SPTBN1: variants seen among roughly 807,000 people sequenced by gnomAD.
SPTBN1 encodes spectrin beta chain, non-erythrocytic 1.
In SPTBN1, 32 loss-of-function variants were observed where a neutral mutation model predicts 266.4. That is an observed-to-expected ratio of 0.12 (90% CI 0.09 to 0.16). The LOEUF (loss-of-function observed/expected upper bound fraction) is 0.16. Ranked by LOEUF, SPTBN1 falls within the 10% of genes least tolerant of loss-of-function variation. SPTBN1 has a pLI of 1.00. For synonymous variants in SPTBN1, 1,336 were observed against 1,162.2 expected (o/e 1.15, Z -3.04); for missense variants, 2,296 against 3,067.1 (o/e 0.75, Z 5.94).
At chr2:54,458,339 A>G (rs368206012) in intron 1 of SPTBN1, among the ~76,000 whole-genome samples, 4 of 152,008 alleles carry the variant, frequency 2.6e-5, no homozygotes, top group East Asian at 3.9e-4. Context: ...TTTAGCTTGT[A>G]TTTTGTTTTC....
chr2:54,511,039 T>C (rs1669833548), intron 1 of SPTBN1, among the ~76,000 whole-genome samples: 1 of 152,240 alleles, frequency 6.6e-6, no homozygotes, highest in African/African-American at 2.4e-5. Flanking sequence ...GGTGTTGGGC[T>C]GATTGGCTTG....
chr2:54,642,129 G>T (rs1187919392), intron 18 of SPTBN1, among the ~76,000 whole-genome samples: 1 of 152,216 alleles, frequency 6.6e-6, no homozygotes, highest in Non-Finnish European at 1.5e-5. Flanking sequence ...CGGGAATCAG[G>T]ACTCTGGCAT....
chr2:54,487,200 T>TTTTTCA, intron 1 of SPTBN1, among the ~76,000 whole-genome samples: 1 of 144,178 alleles, frequency 6.9e-6, no homozygotes. Flanking sequence ...TGCTGCTTTT[T>TTTTTCA]AACTTTTTCA....
chr2:54,523,921 C>T (rs1013101108), intron 1 of SPTBN1, among the ~76,000 whole-genome samples: 5 of 152,256 alleles, frequency 3.3e-5, no homozygotes, highest in South Asian at 4.1e-4. Flanking sequence ...TGATAACAGC[C>T]GGGCATGGTG....
At position 54,670,537 on chromosome 2, in the gene SPTBN1, G is replaced by C. The variant is rs1355373543; in HGVS notation, c.*1968G>C. ...CTTCCCACGACAGTCCTTTGCCCTT[G>C]CCATGCTCAGGGTTGGAATCAAGTT... On this transcript the variant is annotated 3_prime_UTR_variant, in exon 36 of 36. Coordinates refer to ENST00000356805, the MANE Select transcript of SPTBN1 (RefSeq NM_003128.3). The C allele has an allele frequency of 2.5e-6, 1 of 395,646 alleles. No homozygotes were observed. Among genetic ancestry groups the C allele is most frequent in the African/African-American group, 2.1e-5 (1 of 48,572 alleles). The allele number at this position is 395,646 out of a possible 1,614,324, so 24.5% of individuals were successfully genotyped here.
Position 54,644,365 on chromosome 2 carries a change from G to A in SPTBN1, c.4048G>A (p.Val1350Met). The part of the protein sequence containing the change: ...LISEKPETEA[V>M]VKEKLTGLHK... ...TTCAGAAAAGCCTGAGACGGAAGCT[G>A]TGGTGAAGGAGAAACTCACTGGTTT... The change falls in exon 20 of 36, where the codon GTG becomes ATG. Residue 1350 changes from valine (V) to methionine (M), a missense_variant. This residue lies in a region of SPTBN1 where 386 missense variants were observed against 486.1 expected (regional missense o/e 0.79). Coordinates refer to ENST00000356805, the MANE Select transcript of SPTBN1 (RefSeq NM_003128.3). 2 of 1,613,750 alleles carry A rather than the reference G, an allele frequency of 1.2e-6. No homozygotes were observed. The highest frequency in any genetic ancestry group is 1.7e-6 in the Non-Finnish European group (2 of 1,179,614).
intron 1 of SPTBN1, among the ~76,000 whole-genome samples, chr2:54,470,789 A>G (rs1050210447): frequency 1.1e-4 from 16 of 152,004 alleles, no homozygotes; most frequent in African/African-American, 3.9e-4. Context: ...GCCTGGGCAG[A>G]GTAGAAAGAA....
Position 54,647,217 on chromosome 2 carries a change from C to G in SPTBN1, c.4953C>G (p.Leu1651=), listed in dbSNP as rs143233659. Reference sequence around the variant, plus strand: ...ACTATGCAGAGACCGTGCATCAGCTCTCCAAGACCAGCCGGGCCCTGGTGG... The same window carrying G: ...ACTATGCAGAGACCGTGCATCAGCTGTCCAAGACCAGCCGGGCCCTGGTGG... ...VEDYAETVHQ[L]SKTSRALVAD... is the part of the protein sequence containing the mutation. The change falls in exon 24 of 36, where the codon CTC becomes CTG. Residue 1651 remains leucine (L), a synonymous_variant. Coordinates refer to ENST00000356805, the MANE Select transcript of SPTBN1 (RefSeq NM_003128.3). 4 of 1,614,018 alleles carry G rather than the reference C, an allele frequency of 2.5e-6. No homozygotes were observed. In the African/African-American group the frequency reaches 5.3e-5, roughly 22 times the overall value.
At chr2:54,498,965 G>C (rs920726552) in intron 1 of SPTBN1, among the ~76,000 whole-genome samples, 1 of 53,256 alleles carries the variant, frequency 1.9e-5, no homozygotes, top group Non-Finnish European at 3.3e-5. Flanking sequence ...AGATGTAGAC[G>C]GAGAAACCCA....
At chr2:54,525,800 G>A (rs925068551) in intron 1 of SPTBN1, among the ~76,000 whole-genome samples, 9 of 152,060 alleles carry the variant, frequency 5.9e-5, no homozygotes, top group Admixed American at 2.6e-4. Context: ...GCACGATATC[G>A]GCTCACTACA....
At chr2:54,490,116 G>T (rs1300577295) in intron 1 of SPTBN1, among the ~76,000 whole-genome samples, 3 of 142,404 alleles carry the variant, frequency 2.1e-5, no homozygotes, top group African/African-American at 5.2e-5. Flanking sequence ...AGTTGCACTT[G>T]TCACCCAGGC....
rs780124847 is a variant in SPTBN1, at chr2:54,630,874, C to G, written c.2827C>G (p.Leu943Val). The G allele has an allele frequency of 6.3e-7, 1 of 1,595,466 alleles. No individual in the cohort carries two copies. Among genetic ancestry groups the G allele is most frequent in the African/African-American group, 1.3e-5 (1 of 74,676 alleles). Residue 943 changes from leucine (L) to valine (V), a missense_variant, in exon 16 of 36, where the codon CTG becomes GTG. This residue lies in a region of SPTBN1 where 128 missense variants were observed against 176.5 expected (regional missense o/e 0.73). Transcript: ENST00000356805. ...LNTRWSQFRE[L>V]VDRKKDALLS... ...TCACAGGTGGAGCCAGTTCAGAGAACTGGTTGACAGGAAGAAGGATGCCCT... is the reference window on the plus strand; with the variant it reads ...TCACAGGTGGAGCCAGTTCAGAGAAGTGGTTGACAGGAAGAAGGATGCCCT...
intron 32 of SPTBN1, chr2:54,660,656 A>G (rs868648254): frequency 3.7e-5 from 36 of 985,374 alleles, no homozygotes; most frequent in Non-Finnish European, 4.2e-5. Flanking sequence ...TTAGGCACAC[A>G]ATCTCATACA....
At chr2:54,548,015 T>C (rs867319837) in intron 2 of SPTBN1, among the ~76,000 whole-genome samples, 1 of 151,962 alleles carries the variant, frequency 6.6e-6, no homozygotes. Context: ...TGGTGGCGGG[T>C]GCCTATAGTT....
chr2:54,600,523 C>T (rs1676430103), intron 3 of SPTBN1, among the ~76,000 whole-genome samples: 1 of 152,118 alleles, frequency 6.6e-6, no homozygotes, highest in East Asian at 1.9e-4. Context: ...GGAGTGGACC[C>T]ACATGGGGAG....
chr2:54,568,519 A>G lies in SPTBN1; in HGVS notation c.149-30573A>G, dbSNP rs551566868. ...ACTAAATATAAAAATAATCTTGAGT[A>G]TAATAGTTAATTAAAGGAAGTTTAG... On this transcript the variant is annotated intron_variant, in intron 2 of 35. Coordinates refer to ENST00000356805, the MANE Select transcript of SPTBN1 (RefSeq NM_003128.3). 7.2e-5 allele frequency among the ~76,000 whole-genome samples: 11 copies of G among 152,334 alleles called. No homozygotes were observed. The South Asian group carries it at 1.9e-3, about 26-fold the overall frequency.
In SPTBN1 at chr2:54,629,631, G is replaced by C. The variant is rs1287429773; in HGVS notation, c.2497G>C (p.Glu833Gln). The change falls in exon 14 of 36, where the codon GAG becomes CAG. Residue 833 changes from glutamate (E) to glutamine (Q), a missense_variant. This residue lies in a region of SPTBN1 where 434 missense variants were observed against 573.9 expected (regional missense o/e 0.76). Coordinates refer to ENST00000356805, the MANE Select transcript of SPTBN1 (RefSeq NM_003128.3). The stretch of plus-strand genomic sequence containing the variant: ...GTCGGGCATCGAGGAGCGGTATAAG[G>C]AGGTGGCAGAGCTGACGCGGCTGCG... Reference protein sequence around the residue: ...RLSGIEERYKEVAELTRLRKQ... With the variant: ...RLSGIEERYKQVAELTRLRKQ... 1 of 1,613,814 alleles carries C rather than the reference G, an allele frequency of 6.2e-7. No homozygotes were observed. Among genetic ancestry groups the C allele is most frequent in the Non-Finnish European group, 8.5e-7 (1 of 1,179,984 alleles).
Position 54,671,253 on chromosome 2 carries a change from G to C in SPTBN1, c.*2684G>C, listed in dbSNP as rs1368534223. On this transcript the variant is annotated 3_prime_UTR_variant, in exon 36 of 36. Coordinates refer to ENST00000356805, the MANE Select transcript of SPTBN1 (RefSeq NM_003128.3). ...TTTTTTGGGTGTACCGAGAGTGCCA[G>C]TGACTGTGCTTCTTACAATTCCTGG... 6.5e-6 allele frequency: 1 copy of C among 153,956 alleles called. No homozygotes were observed. The highest frequency in any genetic ancestry group is 1.4e-5 in the Non-Finnish European group (1 of 69,312). 9.5% of individuals were successfully genotyped at this position (153,956 alleles called of 1,614,324 possible).
At position 54,650,207 on chromosome 2, in the gene SPTBN1, C is replaced by T. The variant is rs543200462; in HGVS notation, c.5577+218C>T. Among the ~76,000 whole-genome samples, 310 of 152,264 alleles carry T rather than the reference C, an allele frequency of 2.0e-3. 2 individuals are homozygous for T. Among genetic ancestry groups the T allele is most frequent in the Middle Eastern group, 6.8e-3 (2 of 294 alleles). On this transcript the variant is annotated intron_variant, in intron 26 of 35. Coordinates refer to ENST00000356805, the MANE Select transcript of SPTBN1 (RefSeq NM_003128.3). ...ATTTGTGAACATTAGATGAGTGCCC[C>T]CATGATTAAAATAAATAAACCAGAT...
Sources: allele counts gnomAD v4.1 joint callset (sites outside exome capture counted in the v4.1 genomes callset), GRCh38; gene constraint gnomAD v4.1.1; regional missense constraint gnomAD v4.1.1; transcripts MANE v1.5; gene names NCBI Gene and HGNC (gene_info 2026-07-23, HGNC 2026-07-21).